Variants in ACP3 observed in about 807,000 individuals in gnomAD.
ACP3 encodes acid phosphatase 3.
ACP3 carries 38 observed loss-of-function variants against 45.6 expected under a neutral mutation model. The observed-to-expected ratio is 0.83, with a 90% CI of 0.64 to 1.09. The LOEUF (loss-of-function observed/expected upper bound fraction) is 1.09, where lower values mean the gene tolerates loss of function less well. Ranked by LOEUF, ACP3 falls within the 50% of genes least tolerant of loss-of-function variation. The pLI, the probability that ACP3 is intolerant of heterozygous loss-of-function variation, is 0.00. For missense variants in ACP3, 466 were observed against 463.2 expected (o/e 1.01, Z -0.05); for synonymous variants, 162 against 164.7 (o/e 0.98, Z 0.13).
chr3:132,324,217 T>TAAA (rs1937256239), intron 1 of ACP3, among the ~76,000 whole-genome samples: 1 of 92,284 alleles, frequency 1.1e-5, no homozygotes. Flanking sequence ...GGACTCCATC[T>TAAA]CAAAAAAAAA....
intron 1 of ACP3, among the ~76,000 whole-genome samples, chr3:132,320,732 C>T (rs1302675594): frequency 1.3e-5 from 2 of 151,150 alleles, no homozygotes; most frequent in East Asian, 2.0e-4. Flanking sequence ...CTCACTGCAA[C>T]CTCCGTCTCC....
chr3:132,341,612 A>C (rs1036531504), intron 5 of ACP3, among the ~76,000 whole-genome samples: 11 of 152,180 alleles, frequency 7.2e-5, no homozygotes, highest in Non-Finnish European at 1.3e-4. Context: ...GTTACACTTA[A>C]TTCATAAGAA....
chr3:132,341,862 C>T (rs1486479803), intron 5 of ACP3, among the ~76,000 whole-genome samples: 1 of 152,194 alleles, frequency 6.6e-6, no homozygotes, highest in African/African-American at 2.4e-5. Flanking sequence ...ATCAGACAGA[C>T]AATATCTTCC....
chr3:132,332,492 A>G, intron 4 of ACP3, 148 bp downstream of exon 4: 1 of 964,584 alleles, frequency 1.0e-6, no homozygotes, highest in South Asian at 1.8e-5. Flanking sequence ...AGGACAATTT[A>G]GGACATGGAA....
At chr3:132,337,063 GGTGTGTGT>G (rs113543420) in intron 4 of ACP3, among the ~76,000 whole-genome samples, 48 of 144,994 alleles carry the variant, frequency 3.3e-4, no homozygotes, top group African/African-American at 9.2e-4. Context: ...CATGCGTTGG[GGTGTGTGT>G]GTGTGTGTGT....
rs188087244 is a variant in ACP3 at position 132,318,384 on chromosome 3, T to G, written c.120+808T>G. Among the ~76,000 whole-genome samples the G allele has an allele frequency of 6.9e-3, 1,045 of 152,268 alleles. 13 individuals carry two copies. Among genetic ancestry groups the G allele is most frequent in the African/African-American group, 0.023 (952 of 41,544 alleles). On this transcript the variant is annotated intron_variant, in intron 1 of 9. Transcript: ENST00000336375. ...CTTTCTCTTCCCTACATTTTTTTAT[T>G]TGAGATAGTGAAAGTGGGCTGATAA...
downstream of ACP3, among the ~76,000 whole-genome samples, chr3:132,362,637 T>C (rs906862855): frequency 4.6e-5 from 7 of 152,180 alleles, no homozygotes; most frequent in African/African-American, 1.4e-4. Flanking sequence ...GCAATTAGCC[T>C]AATGGGTCAG....
At chr3:132,332,432 G>T in intron 4 of ACP3, 88 bp downstream of exon 4, 1 of 1,415,962 alleles carries the variant, frequency 7.1e-7, no homozygotes, top group Non-Finnish European at 9.9e-7. Flanking sequence ...TGGGAGTCTG[G>T]ACACTCCTTG....
intron 1 of ACP3, among the ~76,000 whole-genome samples, chr3:132,327,718 C>T (rs559510217): frequency 1.6e-4 from 25 of 151,942 alleles, no homozygotes; most frequent in African/African-American, 5.3e-4. Context: ...ACTCAGGCGG[C>T]TGAGGCAGGA....
intron 7 of ACP3, among the ~76,000 whole-genome samples, chr3:132,347,435 T>C (rs1241433215): frequency 6.6e-6 from 1 of 152,120 alleles, no homozygotes; most frequent in Non-Finnish European, 1.5e-5. Flanking sequence ...TTTGCTAGTT[T>C]TTTTGTTAGT....
downstream of ACP3, among the ~76,000 whole-genome samples, chr3:132,363,137 C>G (rs550693987): frequency 6.6e-6 from 1 of 151,906 alleles, no homozygotes; most frequent in Admixed American, 6.6e-5. Context: ...AAAGCATACG[C>G]GCTCACCTGA....
At chr3:132,338,553 A>G (rs1220448777) in intron 5 of ACP3, among the ~76,000 whole-genome samples, 2 of 152,196 alleles carry the variant, frequency 1.3e-5, no homozygotes, top group African/African-American at 4.8e-5. Flanking sequence ...ATTCTGGGTT[A>G]ATCTGAAATA....
chr3:132,363,373 T>C (rs1938077638), downstream of ACP3, among the ~76,000 whole-genome samples: 1 of 152,222 alleles, frequency 6.6e-6, no homozygotes. Context: ...AATTCTTTTT[T>C]GTGGTCCCAA....
At chr3:132,355,572 T>C (rs540099076) in intron 9 of ACP3, among the ~76,000 whole-genome samples, 15 of 151,926 alleles carry the variant, frequency 9.9e-5, no homozygotes, top group Non-Finnish European at 1.9e-4. Flanking sequence ...GGCTAGAGTG[T>C]AGTGGCGTGA....
rs1169613563 is a variant in ACP3 at position 132,356,908 on chromosome 3, G to A, written c.*30G>A. ...CACAGAGATCTCTGTAGAAGGAGTA[G>A]CTGCCCTTTCTCAGGGCAGATGATG... On this transcript the variant is annotated 3_prime_UTR_variant, in exon 10 of 10. Coordinates refer to ENST00000336375, the MANE Select transcript of ACP3 (RefSeq NM_001099.5). The A allele has an allele frequency of 6.3e-7, 1 of 1,582,154 alleles. No homozygotes were observed. Among genetic ancestry groups the A allele is most frequent in the East Asian group, 2.3e-5 (1 of 44,066 alleles).
At chr3:132,348,594 C>G (rs569717380) in intron 7 of ACP3, among the ~76,000 whole-genome samples, 78 of 152,258 alleles carry the variant, frequency 5.1e-4, no homozygotes, top group African/African-American at 1.9e-3. Flanking sequence ...TTTCAGGTGG[C>G]TGTCATGGCT....
downstream of ACP3, among the ~76,000 whole-genome samples, chr3:132,359,064 G>A (rs902514082): frequency 6.6e-6 from 1 of 152,200 alleles, no homozygotes; most frequent in Non-Finnish European, 1.5e-5. Flanking sequence ...TACTAGGGAA[G>A]TAAAGAGATA....
intron 10 of ACP3, among the ~76,000 whole-genome samples, chr3:132,365,446 C>G (rs1372653749): frequency 6.6e-6 from 1 of 152,152 alleles, no homozygotes; most frequent in East Asian, 1.9e-4. Context: ...TAAGGCAGGA[C>G]TGCTTGGCAT....
At chr3:132,351,921 G>A (rs1329660860) in intron 8 of ACP3, among the ~76,000 whole-genome samples, 2 of 152,278 alleles carry the variant, frequency 1.3e-5, no homozygotes, top group East Asian at 3.9e-4. Context: ...TAAACATTTA[G>A]CTTTACAATT....
Sources: gnomAD v4.1 joint callset for allele counts (sites outside exome capture counted in the v4.1 genomes callset) on GRCh38, gnomAD v4.1.1 for gene constraint, MANE v1.5 for transcripts, NCBI Gene and HGNC (gene_info 2026-07-23, HGNC 2026-07-21) for gene names.